Variants in ZNF536 observed in about 807,000 individuals in gnomAD.
ZNF536 encodes zinc finger protein 536.
ZNF536 carries 13 observed loss-of-function variants against 84.5 expected under a neutral mutation model. The observed-to-expected ratio is 0.15, with a 90% confidence interval of 0.10 to 0.24. The LOEUF (loss-of-function observed/expected upper bound fraction) is 0.24, where lower values mean the gene tolerates loss of function less well. Ranked by LOEUF, ZNF536 falls within the 10% of genes least tolerant of loss-of-function variation. The pLI is 1.00. For missense variants in ZNF536, 1,536 were observed against 1,747.5 expected, an observed-to-expected ratio of 0.88 and a Z score of 2.16; for synonymous variants, 811 against 742.5, an observed-to-expected ratio of 1.09 and a Z score of -1.50.
chr19:30,312,661 A>C (rs1471771204), intron 2 of ZNF536, among the ~76,000 whole-genome samples: 5 of 152,236 alleles, frequency 3.3e-5, no homozygotes, highest in Non-Finnish European at 5.9e-5. Context: ...TCCAGAACCC[A>C]TCTGAAGGAG....
intron 1 of ZNF536, among the ~76,000 whole-genome samples, chr19:30,647,990 C>G (rs1180313322): frequency 6.6e-6 from 1 of 152,176 alleles, no homozygotes; most frequent in African/African-American, 2.4e-5. Context: ...AGGAAGCTTG[C>G]CTTCACTTTT....
chr19:30,485,068 C>T (rs540913776), intron 2 of ZNF536, among the ~76,000 whole-genome samples: 39 of 151,986 alleles, frequency 2.6e-4, no homozygotes, highest in African/African-American at 8.4e-4. Flanking sequence ...GGTGTGAACC[C>T]GGAAGGCAGA....
At chr19:30,431,888 G>T (rs573104827) in intron 1 of ZNF536, among the ~76,000 whole-genome samples, 1 of 152,112 alleles carries the variant, frequency 6.6e-6, no homozygotes, top group South Asian at 2.1e-4. Flanking sequence ...TAAAAAGGGA[G>T]CAAGAAAGCC....
chr19:30,330,023 G>T (rs1247751262), intron 2 of ZNF536, among the ~76,000 whole-genome samples: 1 of 152,144 alleles, frequency 6.6e-6, no homozygotes, highest in Non-Finnish European at 1.5e-5. Context: ...GTATTTGAAA[G>T]CACTTATTTT....
intron 1 of ZNF536, among the ~76,000 whole-genome samples, chr19:30,607,138 C>T (rs1163580025): frequency 6.6e-6 from 1 of 152,170 alleles, no homozygotes; most frequent in Non-Finnish European, 1.5e-5. Context: ...TAAACCTCTT[C>T]GACGTAGATT....
intron 1 of ZNF536, among the ~76,000 whole-genome samples, chr19:30,372,778 C>T (rs181229015): frequency 3.3e-5 from 5 of 152,094 alleles, no homozygotes; most frequent in East Asian, 3.9e-4. Context: ...AGGGACCATC[C>T]GATGGTTAAA....
At chr19:30,391,989 C>A (rs1386195267) in intron 1 of ZNF536, among the ~76,000 whole-genome samples, 1 of 152,102 alleles carries the variant, frequency 6.6e-6, no homozygotes, top group South Asian at 2.1e-4. Context: ...CCCCTTCACC[C>A]CCGCCAAAAA....
intron 2 of ZNF536, among the ~76,000 whole-genome samples, chr19:30,475,024 G>T (rs935434108): frequency 5.3e-5 from 8 of 150,152 alleles, no homozygotes; most frequent in African/African-American, 2.0e-4. Flanking sequence ...TCTGCAGTTT[G>T]CTTTTTTCTT....
chr19:30,458,836 C>T (rs1477420593), intron 2 of ZNF536, among the ~76,000 whole-genome samples: 1 of 152,162 alleles, frequency 6.6e-6, no homozygotes, highest in Non-Finnish European at 1.5e-5. Context: ...GGGAGACTCT[C>T]TTCTATCTCA....
At chr19:30,529,336 T>G (rs1049196375) in intron 2 of ZNF536, among the ~76,000 whole-genome samples, 2 of 152,140 alleles carry the variant, frequency 1.3e-5, no homozygotes, top group African/African-American at 4.8e-5. Context: ...TCAGGGGTGG[T>G]TTCAGACAGC....
intron 1 of ZNF536, among the ~76,000 whole-genome samples, chr19:30,419,334 T>C (rs79255753): frequency 0.037 from 5,599 of 152,338 alleles, 159 homozygotes; most frequent in Middle Eastern, 0.1. Flanking sequence ...GTTTTGTCTT[T>C]ATTGCTGATA....
chr19:30,566,697 C>G (rs1361409944), intron 1 of ZNF536, among the ~76,000 whole-genome samples: 1 of 150,150 alleles, frequency 6.7e-6, no homozygotes, highest in Admixed American at 6.6e-5. Flanking sequence ...TGTGGCCCCT[C>G]TGGACAGTGG....
chr19:30,323,664 C>A (rs1225719896), intron 2 of ZNF536, among the ~76,000 whole-genome samples: 1 of 152,190 alleles, frequency 6.6e-6, no homozygotes. Context: ...AAGGCAGGTG[C>A]TGTCTAGAGG....
chr19:30,227,482 G>C (rs1331586627), upstream of ZNF536, among the ~76,000 whole-genome samples: 1 of 152,184 alleles, frequency 6.6e-6, no homozygotes, highest in Admixed American at 6.5e-5. Context: ...TTGTTTGCCA[G>C]ATATTGTTAT....
At chr19:30,604,128 A>T (rs1046362384) in intron 1 of ZNF536, among the ~76,000 whole-genome samples, 3 of 152,226 alleles carry the variant, frequency 2.0e-5, no homozygotes, top group Non-Finnish European at 4.4e-5. Flanking sequence ...AACCACAAGG[A>T]TGCTCATCAC....
In ZNF536 at chr19:30,432,591, G is replaced by A. The variant is rs924189523; in HGVS notation, c.-2-10970G>A. Among the ~76,000 whole-genome samples, 10 of 152,072 alleles carry A rather than the reference G, an allele frequency of 6.6e-5. No individual in the cohort carries two copies. In the East Asian group the frequency reaches 7.7e-4, roughly 12 times the overall value. ...CATTAAAAAGAAGGCAAGGGGAGAC[G>A]AATGCCTTTTTCCAAACCCTACACT... On this transcript the variant is annotated intron_variant, in intron 1 of 4. Coordinates refer to ENST00000355537, the MANE Select transcript of ZNF536 (RefSeq NM_014717.3).
At chr19:30,229,067 A>C (rs566187896) in intron 1 of ZNF536, among the ~76,000 whole-genome samples, 126 of 152,206 alleles carry the variant, frequency 8.3e-4, no homozygotes, top group Non-Finnish European at 1.2e-3. Context: ...CGCGCCGTAA[A>C]TGCAAGCCTG....
At chr19:30,499,778 G>C (rs1324140944) in intron 2 of ZNF536, among the ~76,000 whole-genome samples, 1 of 152,190 alleles carries the variant, frequency 6.6e-6, no homozygotes, top group Admixed American at 6.5e-5. Flanking sequence ...GGAGGAGAAA[G>C]GTCTTGGTGA....
intron 1 of ZNF536, among the ~76,000 whole-genome samples, chr19:30,599,049 T>TC (rs1356562954): frequency 4.6e-5 from 5 of 109,246 alleles, no homozygotes; most frequent in African/African-American, 1.9e-4. Context: ...CTTCCCTCTT[T>TC]CCCCATCTCT....
Sources: gnomAD v4.1 joint callset for allele counts (sites outside exome capture counted in the v4.1 genomes callset) on GRCh38, gnomAD v4.1.1 for gene constraint, MANE v1.5 for transcripts, NCBI Gene and HGNC (gene_info 2026-07-23, HGNC 2026-07-21) for gene names.